Variants in STARD9 observed in about 807,000 individuals in gnomAD.
STARD9 encodes StAR related lipid transfer domain containing 9, also known as stAR-related lipid transfer protein 9.
A neutral mutation model predicts 399.8 loss-of-function variants in STARD9; 346 were observed. The observed-to-expected ratio is 0.87, with a 90% CI of 0.79 to 0.95. STARD9 has a LOEUF of 0.95. Ranked by LOEUF, STARD9 falls within the 40% of genes least tolerant of loss-of-function variation. The probability of loss-of-function intolerance (pLI) is 0.00; values close to 1 mark genes in which losing one functional copy is unlikely to be tolerated. For synonymous variants in STARD9, 2,203 were observed against 2,143.5 expected (o/e 1.03, Z -0.77); for missense variants, 5,832 against 5,667.5 (o/e 1.03, Z -0.93).
At chr15:42,717,848 C>T in intron 29 of STARD9, 53 bp downstream of exon 29, 1 of 1,519,844 alleles carries the variant, frequency 6.6e-7, no homozygotes, top group South Asian at 1.2e-5. Context: ...AGCTTGTCAC[C>T]CTGCTTGGCT....
At chr15:42,645,467 G>T (rs2059627589) in intron 7 of STARD9, among the ~76,000 whole-genome samples, 1 of 152,044 alleles carries the variant, frequency 6.6e-6, no homozygotes, top group Non-Finnish European at 1.5e-5. Context: ...TCAACAGTGG[G>T]CTTACTGTAA....
chr15:42,605,721 G>A (rs1392156811), intron 3 of STARD9, among the ~76,000 whole-genome samples: 3 of 152,200 alleles, frequency 2.0e-5, no homozygotes, highest in Non-Finnish European at 4.4e-5. Flanking sequence ...ATTGGTGTCC[G>A]AGGAAGATTA....
chr15:42,719,423 C>A, intron 32 of STARD9, 50 bp from the exon 33 acceptor site: 1 of 1,219,312 alleles, frequency 8.2e-7, no homozygotes, highest in Non-Finnish European at 1.2e-6. Flanking sequence ...GTACGCCTGG[C>A]ATTCTCTCAA....
At chr15:42,581,582 T>C in intron 1 of STARD9, 2 of 825,066 alleles carry the variant, frequency 2.4e-6, no homozygotes, top group Non-Finnish European at 3.9e-6. Flanking sequence ...AAAAGCGAGC[T>C]CTGCGCACTC....
Position 42,675,754 on chromosome 15 carries a change from G to A in STARD9, c.1770+8G>A. 6.5e-7 allele frequency: 1 copy of A among 1,536,978 alleles called. No homozygotes were observed. Among genetic ancestry groups the A allele is most frequent in the Non-Finnish European group, 8.7e-7 (1 of 1,146,682 alleles). On this transcript the variant is annotated splice_region_variant and intron_variant, in intron 19 of 32. Transcript: ENST00000290607. ...CTGCGGCAGCGAAGGCAGGTTAGCA[G>A]GGCTGTGTTTTCTAGGTTATTGCTG...
chr15:42,651,422 A>G (rs1406430897), intron 8 of STARD9, among the ~76,000 whole-genome samples: 8 of 152,232 alleles, frequency 5.3e-5, no homozygotes, highest in Admixed American at 3.3e-4. Context: ...TTTGATAGAT[A>G]TAAGGATGAA....
chr15:42,593,135 G>A (rs577247521), intron 3 of STARD9, among the ~76,000 whole-genome samples: 4 of 152,250 alleles, frequency 2.6e-5, no homozygotes, highest in Admixed American at 6.5e-5. Context: ...ATTATCATAC[G>A]TAGTACAAGA....
At chr15:42,674,090 G>A (rs35738819) in intron 16 of STARD9, 135,569 of 433,902 alleles carry the variant, frequency 0.31, 30,815 homozygotes, top group African/African-American at 0.84. Context: ...GTACTTTCTC[G>A]GACTAGAGAA....
rs1201638643 is a variant in STARD9 at position 42,690,091 on chromosome 15, C to T, written c.8513C>T (p.Pro2838Leu). 7 of 1,537,548 alleles carry T rather than the reference C, an allele frequency of 4.6e-6. No homozygotes were observed. The highest frequency in any genetic ancestry group is 6.1e-6 in the Non-Finnish European group (7 of 1,147,012). The change falls in exon 23 of 33, where the codon CCT becomes CTT. Residue 2838 changes from proline (P) to leucine (L), a missense_variant. This residue lies in a region of STARD9 where 5,828 missense variants were observed against 5,651.1 expected (regional missense o/e 1.03). Transcript: ENST00000290607. Reference protein sequence around the residue: ...SGPKQDHVQCPEASTGFEEGR... With the variant: ...SGPKQDHVQCLEASTGFEEGR... ...CCTAAGCAAGACCATGTCCAATGCC[C>T]TGAGGCTTCTACTGGCTTTGAAGAA...
intron 15 of STARD9, 109 bp from the exon 16 acceptor site, chr15:42,669,049 A>T: frequency 1.1e-6 from 1 of 933,136 alleles, no homozygotes; most frequent in South Asian, 2.1e-5. Flanking sequence ...ATCTGGGAGG[A>T]TCATAAGAAA....
intron 14 of STARD9, 142 bp downstream of exon 14, chr15:42,665,472 C>A: frequency 1.4e-6 from 1 of 710,990 alleles, no homozygotes; most frequent in Non-Finnish European, 2.3e-6. Flanking sequence ...AAAGACAAAA[C>A]AGAGATTTCT....
At chr15:42,593,623 A>G (rs2058443320) in intron 3 of STARD9, among the ~76,000 whole-genome samples, 1 of 150,126 alleles carries the variant, frequency 6.7e-6, no homozygotes, top group African/African-American at 2.4e-5. Flanking sequence ...TCCAAAATTG[A>G]AAGTATTTTA....
At chr15:42,672,215 G>T (rs1174759911) in intron 16 of STARD9, 1 of 152,248 alleles carries the variant, frequency 6.6e-6, no homozygotes, top group African/African-American at 2.4e-5. Context: ...CTGGCAACTC[G>T]GAAGCTGTTT....
In STARD9 at chr15:42,690,330, T is replaced by C. The variant is rs747700052; in HGVS notation, c.8752T>C (p.Cys2918Arg). The C allele has an allele frequency of 2.0e-6, 3 of 1,537,196 alleles. No homozygotes were observed. The South Asian group carries it at 3.6e-5, about 18-fold the overall frequency. Residue 2918 changes from cysteine to arginine, a missense_variant, in exon 23 of 33, where the codon TGT (cysteine) becomes CGT (arginine). Coordinates refer to ENST00000290607, the MANE Select transcript of STARD9 (RefSeq NM_020759.3). The stretch of plus-strand genomic sequence containing the variant: ...TGGGGGAATTGGGGAGGAAGCCCCA[T>C]GTAGACACCCAAGGGAAGCTTTAGA... ...NPGGIGEEAP[C>R]RHPREALDGP...
At chr15:42,600,602 T>G (rs1160267677) in intron 3 of STARD9, among the ~76,000 whole-genome samples, 2 of 151,106 alleles carry the variant, frequency 1.3e-5, no homozygotes, top group South Asian at 2.1e-4. Flanking sequence ...CTTGGCTCAC[T>G]GCAACCTCTG....
intron 3 of STARD9, among the ~76,000 whole-genome samples, chr15:42,610,827 G>A (rs896725663): frequency 1.3e-5 from 2 of 152,144 alleles, no homozygotes; most frequent in African/African-American, 2.4e-5. Flanking sequence ...GATTACAGGC[G>A]TGAGCTACCG....
Position 42,694,589 on chromosome 15 carries a change from C to G in STARD9, c.12826C>G (p.Arg4276Gly), listed in dbSNP as rs77836884. ...GGCTGAGCGACTTGGGAACTTCTGC[C>G]GGACGCGAAGCCTTAGCCCTCAGAA... is the stretch of plus-strand genomic sequence containing the variant. ...ERAERLGNFC[R>G]TRSLSPQKQL... The change falls in exon 24 of 33, where the codon CGG becomes GGG. Residue 4276 changes from arginine to glycine, a missense_variant. Physicochemically the swap from Arg to Gly is moderately radical, Grantham distance 125. This residue lies in a region of STARD9 where 5,828 missense variants were observed against 5,651.1 expected (regional missense o/e 1.03). Transcript: ENST00000290607. 13 of 1,537,012 alleles carry G rather than the reference C, an allele frequency of 8.5e-6. No homozygotes were observed. The highest frequency in any genetic ancestry group is 1.4e-5 in the African/African-American group (1 of 73,008).
intron 3 of STARD9, among the ~76,000 whole-genome samples, chr15:42,602,245 G>T (rs920891921): frequency 6.6e-6 from 1 of 152,212 alleles, no homozygotes; most frequent in African/African-American, 2.4e-5. Context: ...ACATGGCTGG[G>T]TGACTTTATC....
At position 42,686,177 on chromosome 15, in the gene STARD9, A is replaced by G. The variant is rs1416102767; in HGVS notation, c.4599A>G (p.Pro1533=). 1 of 1,537,480 alleles carries G rather than the reference A, an allele frequency of 6.5e-7. No individual in the cohort carries two copies. Among genetic ancestry groups the G allele is most frequent in the Non-Finnish European group, 8.7e-7 (1 of 1,146,950 alleles). Reference sequence around the variant, plus strand: ...GCAAAGGAGGAGATACTCTATTGCCAGTTGGCCCTAGGGTATCTAGCAATC... The same window carrying G: ...GCAAAGGAGGAGATACTCTATTGCCGGTTGGCCCTAGGGTATCTAGCAATC... The part of the protein sequence containing the change: ...ASSKGGDTLL[P]VGPRVSSNLN... The change falls in exon 23 of 33, where the codon CCA becomes CCG. Residue 1533 remains proline (P), a synonymous_variant. Coordinates refer to ENST00000290607, the MANE Select transcript of STARD9 (RefSeq NM_020759.3).
Sources: gnomAD v4.1 joint callset for allele counts (sites outside exome capture counted in the v4.1 genomes callset) on GRCh38, gnomAD v4.1.1 for gene constraint, gnomAD v4.1.1 regional missense constraint, MANE v1.5 for transcripts, NCBI Gene and HGNC (gene_info 2026-07-23, HGNC 2026-07-21) for gene names.